Variants in GNPTAB observed in about 807,000 individuals in gnomAD.
GNPTAB encodes N-acetylglucosamine-1-phosphotransferase subunits alpha/beta.
In GNPTAB, 92 loss-of-function variants were observed where a neutral mutation model predicts 136.6. The ratio of observed to expected loss-of-function variants is 0.67; its 90% confidence interval spans 0.57 to 0.80. GNPTAB has a LOEUF of 0.80. Ranked by LOEUF, GNPTAB falls within the 30% of genes least tolerant of loss-of-function variation. The pLI is 0.00. For missense variants in GNPTAB, 1,343 were observed against 1,501.8 expected (o/e 0.89, Z 1.75); for synonymous variants, 512 against 535.1 (o/e 0.96, Z 0.60).
chr12:101,827,938 G>A (rs1336374542), intron 1 of GNPTAB, among the ~76,000 whole-genome samples: 2 of 152,192 alleles, frequency 1.3e-5, no homozygotes, highest in African/African-American at 4.8e-5. Context: ...CTGCACTCCA[G>A]CGTGGGCAAG....
At chr12:101,788,971 T>G (rs112653036) in intron 3 of GNPTAB, among the ~76,000 whole-genome samples, 276 of 152,342 alleles carry the variant, frequency 1.8e-3, no homozygotes, top group African/African-American at 6.5e-3. Flanking sequence ...TCTCATATAT[T>G]AAATAAAAAG....
chr12:101,823,629 AAGTC>A (rs1870929098), intron 1 of GNPTAB, among the ~76,000 whole-genome samples: 1 of 150,980 alleles, frequency 6.6e-6, no homozygotes, highest in Admixed American at 6.6e-5. Context: ...AAAAAAAAAA[AAGTC>A]AGGTTAAGTT....
chr12:101,822,850 T>G (rs1171016777), intron 1 of GNPTAB, among the ~76,000 whole-genome samples: 1 of 152,174 alleles, frequency 6.6e-6, no homozygotes, highest in African/African-American at 2.4e-5. Flanking sequence ...AATAAAGGGA[T>G]TGGCTACACA....
At chr12:101,824,436 T>A (rs1459931114) in intron 1 of GNPTAB, among the ~76,000 whole-genome samples, 28 of 73,712 alleles carry the variant, frequency 3.8e-4, no homozygotes, top group African/African-American at 1.5e-3. Flanking sequence ...ATATATATTT[T>A]CTTTTTTTTT....
chr12:101,801,423 T>A (rs1869616191), intron 1 of GNPTAB, among the ~76,000 whole-genome samples: 1 of 149,188 alleles, frequency 6.7e-6, no homozygotes, highest in African/African-American at 2.5e-5. Flanking sequence ...GCCTGTAGTC[T>A]CAGCTACCTG....
rs574425632 is a variant in GNPTAB, at chr12:101,782,314, A to T, written c.572-1693T>A. 3.9e-3 allele frequency among the ~76,000 whole-genome samples: 599 copies of T among 152,046 alleles called. 2 individuals carry two copies. Among genetic ancestry groups the T allele is most frequent in the Non-Finnish European group, 6.6e-3 (446 of 67,968 alleles). On this transcript the variant is annotated intron_variant, in intron 5 of 20. Transcript: ENST00000299314. ...ATTAGAATATATAAGTTTTTTTTTT[A>T]AAAAGATAAGTTTTACTCAACAGTG...
At chr12:101,819,820 T>C (rs952312687) in intron 1 of GNPTAB, among the ~76,000 whole-genome samples, 4 of 152,240 alleles carry the variant, frequency 2.6e-5, no homozygotes, top group African/African-American at 9.6e-5. Context: ...TAATCTATTA[T>C]AGTTACACCT....
intron 10 of GNPTAB, among the ~76,000 whole-genome samples, chr12:101,769,482 T>C (rs756780002): frequency 6.6e-6 from 1 of 152,242 alleles, no homozygotes; most frequent in Non-Finnish European, 1.5e-5. Flanking sequence ...GTGTGGGTCC[T>C]GGGTGTCTAA....
chr12:101,751,818 T>C (rs1338099098), intron 19 of GNPTAB, among the ~76,000 whole-genome samples: 1 of 152,154 alleles, frequency 6.6e-6, no homozygotes, highest in African/African-American at 2.4e-5. Flanking sequence ...GCACACTTAG[T>C]AGGTGTTGTA....
At chr12:101,802,217 A>G (rs1250546224) in intron 1 of GNPTAB, among the ~76,000 whole-genome samples, 1 of 141,550 alleles carries the variant, frequency 7.1e-6, no homozygotes, top group Non-Finnish European at 1.5e-5. Context: ...AAAAAAAAAA[A>G]GAAAAGAAAA....
intron 8 of GNPTAB, 101 bp from the exon 9 acceptor site, chr12:101,770,686 G>T: frequency 1.2e-6 from 1 of 853,026 alleles, no homozygotes; most frequent in Non-Finnish European, 1.9e-6. Context: ...AAGGTGCTCT[G>T]GCAGACTTTT....
Position 101,786,039 on chromosome 12 carries a change from C to T in GNPTAB, c.544G>A (p.Val182Ile). 6.2e-7 allele frequency: 1 copy of T among 1,613,612 alleles called. No homozygotes were observed. Among genetic ancestry groups the T allele is most frequent in the South Asian group, 1.1e-5 (1 of 91,078 alleles). ...KPKNPSTNVS[V>I]VVFDSTKDVE... ...TCCTTAGTACTGTCAAAAACAACAACTGAGACATTGGTAGAAGGGTTTTTT... is the reference window on the plus strand; with the variant it reads ...TCCTTAGTACTGTCAAAAACAACAATTGAGACATTGGTAGAAGGGTTTTTT... Residue 182 changes from valine (V) to isoleucine (I), a missense_variant, in exon 5 of 21, where the codon GTT becomes ATT. By Grantham distance (29) the Val-to-Ile change is conservative. Transcript: ENST00000299314.
chr12:101,800,440 C>T (rs1170656227), intron 1 of GNPTAB, among the ~76,000 whole-genome samples: 1 of 151,828 alleles, frequency 6.6e-6, no homozygotes. Flanking sequence ...TCCTGGAGAT[C>T]TTTTGGGTCC....
At position 101,786,221 on chromosome 12, in the gene GNPTAB, G is replaced by A; in HGVS notation, c.366-4C>T. The A allele has an allele frequency of 6.2e-7, 1 of 1,606,168 alleles. No homozygotes were observed. The highest frequency in any genetic ancestry group is 8.5e-7 in the Non-Finnish European group (1 of 1,173,892). On this transcript the variant is annotated splice_region_variant and splice_polypyrimidine_tract_variant and intron_variant, in intron 4 of 20. Transcript: ENST00000299314. ...CAAACACTCTAACTGCTTCTCACTG[G>A]AAAGAAACACCAACATGCTTACAAT...
intron 1 of GNPTAB, among the ~76,000 whole-genome samples, chr12:101,829,526 TTTAAG>T (rs749453965): frequency 5.9e-5 from 9 of 152,254 alleles, no homozygotes; most frequent in Non-Finnish European, 1.0e-4. Context: ...ACCTGATGCC[TTTAAG>T]TCATCTTCAC....
At chr12:101,804,870 T>C (rs1267752803) in intron 1 of GNPTAB, among the ~76,000 whole-genome samples, 1 of 152,234 alleles carries the variant, frequency 6.6e-6, no homozygotes, top group Non-Finnish European at 1.5e-5. Context: ...AAATTTCAAC[T>C]GTAAAATTTA....
In GNPTAB at chr12:101,771,166, T is replaced by C; in HGVS notation, c.772-9A>G. 1 of 1,610,744 alleles carries C rather than the reference T, an allele frequency of 6.2e-7. No homozygotes were observed. The highest frequency in any genetic ancestry group is 8.5e-7 in the Non-Finnish European group (1 of 1,177,134). On this transcript the variant is annotated splice_polypyrimidine_tract_variant and intron_variant, in intron 7 of 20. Coordinates refer to ENST00000299314, the MANE Select transcript of GNPTAB (RefSeq NM_024312.5). The stretch of plus-strand genomic sequence containing the variant: ...TCTGAATACAACTGCAACTATCAAA[T>C]AACAAGAGGATTACACATGAAAAGA...
At position 101,766,252 on chromosome 12, in the gene GNPTAB, G is replaced by A; in HGVS notation, c.1451C>T (p.Thr484Ile). The A allele has an allele frequency of 6.2e-7, 1 of 1,614,004 alleles. No individual in the cohort carries two copies. Among genetic ancestry groups the A allele is most frequent in the South Asian group, 1.1e-5 (1 of 91,076 alleles). Residue 484 changes from threonine to isoleucine, a missense_variant, in exon 12 of 21, where the codon ACT (threonine) becomes ATT (isoleucine). Transcript: ENST00000299314. ...GSRYIAGGGG[T>I]GSIGVGQPWQ... ...GGGCTGTCCAACTCCAATACTCCCA[G>A]TACCTCCACCTCCTGCAATATAGCG... is the stretch of plus-strand genomic sequence containing the variant.
intron 16 of GNPTAB, among the ~76,000 whole-genome samples, chr12:101,758,881 T>C (rs1379032072): frequency 6.6e-6 from 1 of 152,214 alleles, no homozygotes; most frequent in Non-Finnish European, 1.5e-5. Context: ...CAAAATCTAC[T>C]CATTGTAGAA....
Sources: allele counts gnomAD v4.1 joint callset (sites outside exome capture counted in the v4.1 genomes callset), GRCh38; gene constraint gnomAD v4.1.1; transcripts MANE v1.5; gene names NCBI Gene and HGNC (gene_info 2026-07-23, HGNC 2026-07-21).